Variants in STARD13 observed in about 807,000 individuals in gnomAD.
The protein encoded by STARD13 is StAR related lipid transfer domain containing 13.
In STARD13, 62 loss-of-function variants were observed where a neutral mutation model predicts 106.4. The ratio of observed to expected loss-of-function variants is 0.58; its 90% CI spans 0.48 to 0.72. The LOEUF is 0.72. Ranked by LOEUF, STARD13 falls within the 30% of genes least tolerant of loss-of-function variation. The probability of loss-of-function intolerance (pLI) is 0.00; values close to 1 mark genes in which losing one functional copy is unlikely to be tolerated. For synonymous variants in STARD13, 565 were observed against 553.0 expected (o/e 1.02, Z -0.31); for missense variants, 1,387 against 1,424.0 (o/e 0.97, Z 0.42).
chr13:33,654,312 T>C, the STARD13 span, among the ~76,000 whole-genome samples: 1 of 152,224 alleles, frequency 6.6e-6, no homozygotes, highest in Non-Finnish European at 1.5e-5. Context: ...TACTGATACA[T>C]GCTACTACAT....
At chr13:33,315,787 A>G (rs116827571) in intron 1 of STARD13, among the ~76,000 whole-genome samples, 1,818 of 152,286 alleles carry the variant, frequency 0.012, 50 homozygotes, top group African/African-American at 0.042. Context: ...CAAAAAGTAA[A>G]AAGGTAAAAA....
chr13:33,449,036 G>A, the STARD13 span, among the ~76,000 whole-genome samples: 12 of 151,540 alleles, frequency 7.9e-5, no homozygotes, highest in African/African-American at 2.7e-4. Context: ...TCTGCATGCT[G>A]TCTCTTTGCT....
chr13:33,428,594 GA>G, the STARD13 span, among the ~76,000 whole-genome samples: 1,117 of 152,076 alleles, frequency 7.3e-3, 16 homozygotes, highest in African/African-American at 0.025. Context: ...TCAGAGAGGT[GA>G]AAATAAAAAA....
chr13:33,662,998 G>A, the STARD13 span, among the ~76,000 whole-genome samples: 15 of 152,140 alleles, frequency 9.9e-5, no homozygotes, highest in African/African-American at 3.1e-4. Flanking sequence ...AGTGAGGTGA[G>A]GTATTTATTC....
chr13:33,659,430 G>A, the STARD13 span, among the ~76,000 whole-genome samples: 1 of 152,098 alleles, frequency 6.6e-6, no homozygotes, highest in Non-Finnish European at 1.5e-5. Flanking sequence ...TGGCCAGGAT[G>A]GTCTCAATCT....
the STARD13 span, among the ~76,000 whole-genome samples, chr13:33,359,795 T>A: frequency 1.3e-5 from 2 of 152,212 alleles, no homozygotes; most frequent in African/African-American, 4.8e-5. Context: ...TTGTAGAAAT[T>A]TGGAGGTTGT....
rs193215151 is a variant in STARD13 at position 33,310,689 on chromosome 13, C to T, written c.124+39601G>A. On this transcript the variant is annotated intron_variant, in intron 1 of 5. Coordinates refer to the STARD13 transcript ENST00000567873. ...TAATATATAATCTTTTCACCTTCTA[C>T]TCATTGTGTATAATACTTCTCAGAG... 6.7e-4 allele frequency among the ~76,000 whole-genome samples: 102 copies of T among 152,188 alleles called. 1 individual carries two copies. Among genetic ancestry groups the T allele is most frequent in the African/African-American group, 2.4e-3 (99 of 41,534 alleles).
intron 4 of STARD13, among the ~76,000 whole-genome samples, chr13:33,131,437 T>G (rs1209655679): frequency 9.7e-5 from 1 of 10,334 alleles, no homozygotes; most frequent in Admixed American, 1.4e-3. Flanking sequence ...ATCATATGAT[T>G]TTTTTTTTTC....
At chr13:33,403,576 G>C in the STARD13 span, among the ~76,000 whole-genome samples, 1 of 152,084 alleles carries the variant, frequency 6.6e-6, no homozygotes, top group African/African-American at 2.4e-5. Flanking sequence ...GAAAAGAAAC[G>C]TAATAGGCTG....
the STARD13 span, among the ~76,000 whole-genome samples, chr13:33,505,322 G>A: frequency 1.3e-5 from 2 of 151,934 alleles, no homozygotes; most frequent in African/African-American, 4.8e-5. Flanking sequence ...TCCATCCTCA[G>A]GTTTCTCTAG....
At chr13:33,518,052 A>G in the STARD13 span, among the ~76,000 whole-genome samples, 38 of 152,214 alleles carry the variant, frequency 2.5e-4, no homozygotes, top group Admixed American at 8.5e-4. Context: ...TGAAGCTTTT[A>G]GGGAATCAGT....
At chr13:33,175,392 A>G (rs1252543182) in intron 1 of STARD13, among the ~76,000 whole-genome samples, 1 of 152,220 alleles carries the variant, frequency 6.6e-6, no homozygotes, top group Non-Finnish European at 1.5e-5. Context: ...ACAATTAGAT[A>G]GAGCATCATA....
intron 1 of STARD13, among the ~76,000 whole-genome samples, chr13:33,214,075 G>A (rs191614264): frequency 2.4e-4 from 37 of 152,224 alleles, no homozygotes; most frequent in Admixed American, 1.0e-3. Flanking sequence ...ACTTTCATTC[G>A]GGGTTCGCAT....
intron 1 of STARD13, among the ~76,000 whole-genome samples, chr13:33,295,518 C>T (rs1892454583): frequency 6.6e-6 from 1 of 152,184 alleles, no homozygotes; most frequent in East Asian, 1.9e-4. Context: ...ATTTCCTTTA[C>T]CCTTTTTTAT....
intron 1 of STARD13, among the ~76,000 whole-genome samples, chr13:33,211,726 C>T (rs967723708): frequency 5.3e-5 from 8 of 152,012 alleles, no homozygotes; most frequent in African/African-American, 1.5e-4. Flanking sequence ...TCAATATAGA[C>T]ACAATTTTTA....
At chr13:33,560,947 T>C in the STARD13 span, among the ~76,000 whole-genome samples, 1 of 151,538 alleles carries the variant, frequency 6.6e-6, no homozygotes, top group Non-Finnish European at 1.5e-5. Flanking sequence ...TTCTTTGGAC[T>C]GATGATGGCA....
the STARD13 span, among the ~76,000 whole-genome samples, chr13:33,594,316 A>G: frequency 6.6e-6 from 1 of 152,132 alleles, no homozygotes; most frequent in Admixed American, 6.5e-5. Flanking sequence ...ACTAAATGCC[A>G]TCAGAGGTCT....
chr13:33,429,401 C>T, the STARD13 span, among the ~76,000 whole-genome samples: 2 of 152,096 alleles, frequency 1.3e-5, no homozygotes, highest in African/African-American at 4.8e-5. Flanking sequence ...TTGAGACCAT[C>T]CTGGCTAATA....
the STARD13 span, among the ~76,000 whole-genome samples, chr13:33,648,509 G>A: frequency 7.6e-3 from 1,159 of 152,316 alleles, 7 homozygotes; most frequent in Non-Finnish European, 0.013. Flanking sequence ...ATATTGGAAG[G>A]ATGAAATGTG....
Sources: allele counts gnomAD v4.1 joint callset (sites outside exome capture counted in the v4.1 genomes callset), GRCh38; gene constraint gnomAD v4.1.1; transcripts MANE v1.5; gene names NCBI Gene and HGNC (gene_info 2026-07-23, HGNC 2026-07-21).